Variants in SLC26A5 observed in about 807,000 individuals in gnomAD.
SLC26A5 encodes prestin.
SLC26A5 carries 51 observed loss-of-function variants against 81.0 expected under a neutral mutation model. That is an observed-to-expected ratio of 0.63 (90% CI 0.50 to 0.80). The LOEUF (loss-of-function observed/expected upper bound fraction) is 0.80. SLC26A5 is among the 30% of genes least tolerant of loss of function. The pLI is 0.00. For synonymous variants in SLC26A5, 325 were observed against 332.8 expected, an observed-to-expected ratio of 0.98 and a Z score of 0.25; for missense variants, 771 against 905.8, an observed-to-expected ratio of 0.85 and a Z score of 1.91.
intron 19 of SLC26A5, among the ~76,000 whole-genome samples, chr7:103,363,850 T>C (rs1341405663): frequency 6.6e-6 from 1 of 152,220 alleles, no homozygotes; most frequent in Non-Finnish European, 1.5e-5. Flanking sequence ...TTAAACACCA[T>C]AATTTTTTTT....
intron 19 of SLC26A5, chr7:103,364,441 T>C (rs895506233): frequency 2.0e-5 from 19 of 972,266 alleles, no homozygotes; most frequent in African/African-American, 8.2e-5. Context: ...CAGAGTCTCA[T>C]TGTGTTGCCC....
At chr7:103,386,247 A>C (rs553379811) in intron 14 of SLC26A5, among the ~76,000 whole-genome samples, 8,983 of 151,854 alleles carry the variant, frequency 0.059, 893 homozygotes, top group African/African-American at 0.21. Flanking sequence ...GGAGCATTAA[A>C]AAAAAAAAAC....
intron 2 of SLC26A5, among the ~76,000 whole-genome samples, chr7:103,431,596 G>C (rs1319330946): frequency 6.6e-6 from 1 of 152,164 alleles, no homozygotes; most frequent in African/African-American, 2.4e-5. Context: ...AAAGTGCTGG[G>C]ATTACAGGTG....
chr7:103,362,902 T>G (rs1043295383), intron 19 of SLC26A5: 6 of 627,088 alleles, frequency 9.6e-6, no homozygotes, highest in Non-Finnish European at 1.1e-5. Flanking sequence ...CAAGCAATTC[T>G]CCTGCCTCAG....
intron 2 of SLC26A5, among the ~76,000 whole-genome samples, chr7:103,441,870 G>T (rs907364436): frequency 6.6e-6 from 1 of 152,190 alleles, no homozygotes; most frequent in Non-Finnish European, 1.5e-5. Context: ...ACCTGAAATG[G>T]CTTCATCTGG....
At chr7:103,382,253 G>A (rs1051149301) in intron 14 of SLC26A5, among the ~76,000 whole-genome samples, 5 of 151,934 alleles carry the variant, frequency 3.3e-5, no homozygotes, top group Non-Finnish European at 7.4e-5. Flanking sequence ...AATTGAGGGC[G>A]TGGGGAGAAA....
intron 19 of SLC26A5, chr7:103,362,079 T>A (rs1191610561): frequency 6.2e-7 from 1 of 1,612,842 alleles, no homozygotes; most frequent in Admixed American, 1.7e-5. Flanking sequence ...GAAGAAGGGA[T>A]GAGAGTGGGG....
intron 18 of SLC26A5, 81 bp downstream of exon 18, chr7:103,377,518 C>T (rs1385468701): frequency 6.1e-6 from 8 of 1,309,766 alleles, no homozygotes; most frequent in South Asian, 2.4e-5. Context: ...GAAAAGAGAG[C>T]CTAGCCCACC....
rs372387853 is a variant in SLC26A5 at position 103,391,636 on chromosome 7, C to T, written c.1219G>A (p.Gly407Ser). 2.2e-5 allele frequency: 35 copies of T among 1,613,832 alleles called. No individual in the cohort carries two copies. The highest frequency in any genetic ancestry group is 2.6e-5 in the Non-Finnish European group (31 of 1,179,922). The change falls in exon 11 of 20, where the codon GGT (glycine) becomes AGT (serine). Residue 407 changes from glycine (G) to serine (S), a missense_variant. Transcript: ENST00000306312. ...LSRSLVQEGT[G>S]GKTQLAGCLA... ...TATGTACATACCTGTGTCTTCCCAC[C>T]GGTTCCCTCCTGAACAAGGCTTCGA...
At chr7:103,416,858 C>A (rs953192041) in intron 4 of SLC26A5, among the ~76,000 whole-genome samples, 11 of 152,096 alleles carry the variant, frequency 7.2e-5, no homozygotes, top group Non-Finnish European at 1.3e-4. Context: ...CTCTGACATG[C>A]TTAACACAAA....
chr7:103,377,471 A>G, intron 18 of SLC26A5, 128 bp downstream of exon 18: 4 of 872,710 alleles, frequency 4.6e-6, no homozygotes, highest in Admixed American at 2.1e-5. Context: ...TATATTTTTG[A>G]AATTTTCCAT....
intron 4 of SLC26A5, among the ~76,000 whole-genome samples, chr7:103,418,440 T>C (rs1031130990): frequency 6.6e-6 from 1 of 152,180 alleles, no homozygotes; most frequent in Admixed American, 6.5e-5. Context: ...CCAGCTTGAC[T>C]GAATGTCAGT....
chr7:103,411,287 C>T, intron 6 of SLC26A5, 133 bp downstream of exon 6: 1 of 952,568 alleles, frequency 1.0e-6, no homozygotes, highest in African/African-American at 1.6e-5. Flanking sequence ...AGTTGGTCTG[C>T]AGTTACTCCC....
chr7:103,365,113 A>G (rs554994620), intron 19 of SLC26A5, among the ~76,000 whole-genome samples: 4 of 151,904 alleles, frequency 2.6e-5, no homozygotes, highest in Admixed American at 6.5e-5. Flanking sequence ...TAAAACTTGC[A>G]AGTCAAATTC....
intron 7 of SLC26A5, 68 bp downstream of exon 7, chr7:103,410,317 G>T: frequency 7.6e-7 from 1 of 1,322,474 alleles, no homozygotes; most frequent in Non-Finnish European, 1.1e-6. Flanking sequence ...AGTAAAAAGA[G>T]ATACAGAAGA....
At chr7:103,402,041 C>T (rs1487034903) in intron 8 of SLC26A5, among the ~76,000 whole-genome samples, 2 of 152,070 alleles carry the variant, frequency 1.3e-5, no homozygotes, top group Non-Finnish European at 2.9e-5. Flanking sequence ...TGTGTCTCTG[C>T]CAGGTTTTGG....
At chr7:103,356,436 G>T (rs549114815) in intron 19 of SLC26A5, among the ~76,000 whole-genome samples, 62 of 152,206 alleles carry the variant, frequency 4.1e-4, no homozygotes, top group African/African-American at 1.5e-3. Flanking sequence ...AATTACTTTG[G>T]CCAGTTTATA....
chr7:103,394,947 A>G (rs1822965730), intron 9 of SLC26A5, among the ~76,000 whole-genome samples: 1 of 152,200 alleles, frequency 6.6e-6, no homozygotes, highest in Admixed American at 6.5e-5. Context: ...GCTGCTGGAG[A>G]TACCACATGT....
chr7:103,409,519 T>C (rs1421313558), intron 7 of SLC26A5, among the ~76,000 whole-genome samples: 3 of 152,212 alleles, frequency 2.0e-5, no homozygotes, highest in Non-Finnish European at 2.9e-5. Context: ...GAAAAAACAT[T>C]GAATTTTTAG....
Sources: gnomAD v4.1 joint callset for allele counts (sites outside exome capture counted in the v4.1 genomes callset) on GRCh38, gnomAD v4.1.1 for gene constraint, MANE v1.5 for transcripts, NCBI Gene and HGNC (gene_info 2026-07-23, HGNC 2026-07-21) for gene names.